Variants in SEMA3C observed in about 807,000 individuals in gnomAD.
SEMA3C encodes the protein semaphorin 3C.
In SEMA3C, 47 loss-of-function variants were observed where a neutral mutation model predicts 89.4. The observed-to-expected ratio is 0.53, with a 90% CI of 0.42 to 0.67. SEMA3C has a LOEUF of 0.67. SEMA3C is among the 30% of genes least tolerant of loss of function. SEMA3C has a pLI of 0.00. For synonymous variants in SEMA3C, 310 were observed against 320.2 expected (o/e 0.97, Z 0.34); for missense variants, 839 against 929.1 (o/e 0.90, Z 1.26).
chr7:80,857,352 T>TTAA (rs1186298154), intron 2 of SEMA3C, among the ~76,000 whole-genome samples: 2 of 152,022 alleles, frequency 1.3e-5, no homozygotes, highest in Non-Finnish European at 2.9e-5. Flanking sequence ...CCTCCCCAAA[T>TTAA]TAATACTGTG....
At chr7:80,902,654 C>T (rs1037331785) in intron 2 of SEMA3C, among the ~76,000 whole-genome samples, 2 of 152,158 alleles carry the variant, frequency 1.3e-5, no homozygotes, top group Non-Finnish European at 2.9e-5. Context: ...AAACACATGT[C>T]GTCATGATAT....
At chr7:80,772,641 A>G (rs919094337) in intron 12 of SEMA3C, among the ~76,000 whole-genome samples, 2 of 152,194 alleles carry the variant, frequency 1.3e-5, no homozygotes, top group African/African-American at 2.4e-5. Context: ...TGTTGATGCT[A>G]AAGAGTTTAT....
At chr7:80,863,228 C>T (rs1483506925) in intron 2 of SEMA3C, among the ~76,000 whole-genome samples, 1 of 123,702 alleles carries the variant, frequency 8.1e-6, no homozygotes, top group South Asian at 2.9e-4. Context: ...GAGACTCCAT[C>T]TTAAAAAAAA....
intron 10 of SEMA3C, among the ~76,000 whole-genome samples, chr7:80,800,083 G>A (rs6467399): frequency 0.32 from 48,106 of 148,492 alleles, 8,044 homozygotes; most frequent in East Asian, 0.5. Flanking sequence ...AACCCCAGAG[G>A]CGGAGCTTGC....
chr7:80,834,209 AT>A lies in SEMA3C; in HGVS notation c.104-5465del, dbSNP rs1053579239. ...CTCCCAGGAAACAGCATTAAAAAAA[AT>A]TATGCATGTTTGTTTTCTACAATCT... is the stretch of plus-strand genomic sequence containing the variant. On this transcript the variant is annotated intron_variant, in intron 2 of 17. Coordinates refer to ENST00000265361, the MANE Select transcript of SEMA3C (RefSeq NM_006379.5). Among the ~76,000 whole-genome samples the A allele has an allele frequency of 4.6e-5, 7 of 152,256 alleles. No individual in the cohort carries two copies. In the East Asian group the frequency reaches 1.4e-3, roughly 29 times the overall value.
At chr7:80,797,795 C>G (rs754035468) in intron 11 of SEMA3C, among the ~76,000 whole-genome samples, 3 of 152,072 alleles carry the variant, frequency 2.0e-5, no homozygotes, top group Non-Finnish European at 4.4e-5. Flanking sequence ...GTCAGGAGTT[C>G]GAGACCAGCC....
At chr7:80,763,057 C>T (rs1488478506) in intron 13 of SEMA3C, among the ~76,000 whole-genome samples, 2 of 152,166 alleles carry the variant, frequency 1.3e-5, no homozygotes, top group Non-Finnish European at 2.9e-5. Context: ...CATACAAATG[C>T]TGCAACCTAT....
upstream of SEMA3C, among the ~76,000 whole-genome samples, chr7:80,921,496 C>T (rs770747016): frequency 6.6e-6 from 1 of 152,182 alleles, no homozygotes; most frequent in Non-Finnish European, 1.5e-5. Context: ...CTTGACAAAA[C>T]AAGACTTGCC....
chr7:80,828,549 A>T (rs776652336), intron 3 of SEMA3C, 36 bp downstream of exon 3: 3 of 1,501,620 alleles, frequency 2.0e-6, no homozygotes, highest in Non-Finnish European at 2.7e-6. Flanking sequence ...GACATTGAAA[A>T]GGTGGACACT....
At chr7:80,818,215 T>G (rs1210758400) in intron 5 of SEMA3C, 84 bp downstream of exon 5, 3 of 1,261,300 alleles carry the variant, frequency 2.4e-6, no homozygotes. Context: ...AATATTGATA[T>G]GTCCAAGTTT....
intron 12 of SEMA3C, among the ~76,000 whole-genome samples, chr7:80,781,331 A>G (rs1001233598): frequency 2.0e-5 from 3 of 152,198 alleles, no homozygotes; most frequent in East Asian, 1.9e-4. Context: ...TATTCTGCCC[A>G]CCCCATTAGT....
At chr7:80,894,468 G>C (rs548952336) in intron 2 of SEMA3C, among the ~76,000 whole-genome samples, 1 of 152,042 alleles carries the variant, frequency 6.6e-6, no homozygotes, top group Admixed American at 6.5e-5. Flanking sequence ...AGCACTCATA[G>C]CCACATGTTT....
upstream of SEMA3C, among the ~76,000 whole-genome samples, chr7:80,920,038 A>G (rs904612493): frequency 1.8e-4 from 28 of 152,166 alleles, no homozygotes; most frequent in African/African-American, 5.3e-4. Context: ...ACTCCCAAAC[A>G]TAATTACACG....
At chr7:80,904,489 T>C (rs1163900024) in intron 2 of SEMA3C, among the ~76,000 whole-genome samples, 1 of 152,196 alleles carries the variant, frequency 6.6e-6, no homozygotes, top group Non-Finnish European at 1.5e-5. Context: ...GGGTATTTGT[T>C]CACTCTTAAT....
intron 14 of SEMA3C, among the ~76,000 whole-genome samples, chr7:80,759,008 A>T (rs1441645793): frequency 6.6e-6 from 1 of 152,212 alleles, no homozygotes; most frequent in Non-Finnish European, 1.5e-5. Flanking sequence ...GTTGCATGTT[A>T]CTCATTAAAA....
intron 2 of SEMA3C, among the ~76,000 whole-genome samples, chr7:80,832,733 T>C (rs1790035309): frequency 6.6e-6 from 1 of 152,166 alleles, no homozygotes; most frequent in Non-Finnish European, 1.5e-5. Flanking sequence ...AGCAGAAATG[T>C]AGAAAAAAAT....
At chr7:80,921,547 A>G (rs1455285926), upstream of SEMA3C, among the ~76,000 whole-genome samples, 2 of 152,206 alleles carry the variant, frequency 1.3e-5, no homozygotes, top group Non-Finnish European at 2.9e-5. Context: ...TTAAGACTTC[A>G]GCTTTGACTG....
At chr7:80,745,550 A>G (rs979167966) in intron 17 of SEMA3C, among the ~76,000 whole-genome samples, 26 of 151,842 alleles carry the variant, frequency 1.7e-4, no homozygotes, top group Admixed American at 3.3e-4. Context: ...GATATTATCC[A>G]TATCAGCAAA....
Position 80,804,087 on chromosome 7 carries a change from GA to G in SEMA3C, c.801+18del. Reference sequence around the variant, plus strand: ...AATTTCTTGGTCTTTCTTCAAATCGGAACAGCATTAATACTTACAGGACATA... The same window carrying G: ...AATTTCTTGGTCTTTCTTCAAATCGGACAGCATTAATACTTACAGGACATA... On this transcript the variant is annotated intron_variant, in intron 8 of 17. Coordinates refer to ENST00000265361, the MANE Select transcript of SEMA3C (RefSeq NM_006379.5). 1 of 1,579,006 alleles carries G rather than the reference GA, an allele frequency of 6.3e-7. No individual in the cohort carries two copies. The highest frequency in any genetic ancestry group is 1.2e-5 in the South Asian group (1 of 83,642).
Sources: allele counts gnomAD v4.1 joint callset (sites outside exome capture counted in the v4.1 genomes callset), GRCh38; gene constraint gnomAD v4.1.1; transcripts MANE v1.5; gene names NCBI Gene and HGNC (gene_info 2026-07-23, HGNC 2026-07-21).